The following SBF2 variants were observed in gnomAD, a reference collection of about 807,000 sequenced individuals.
SBF2 encodes myotubularin-related protein 13.
Under a neutral mutation model 225.2 loss-of-function variants are expected in SBF2, and 112 were observed. The ratio of observed to expected loss-of-function variants is 0.50; its 90% CI spans 0.43 to 0.58. The LOEUF (loss-of-function observed/expected upper bound fraction) is 0.58. Among genes scored for constraint, SBF2 ranks in the 20% least tolerant of loss-of-function variants. The probability of loss-of-function intolerance (pLI) is 0.00; values close to 1 mark genes in which losing one functional copy is unlikely to be tolerated. For missense variants in SBF2, 1,996 were observed against 2,206.2 expected, an observed-to-expected ratio of 0.90 and a Z score of 1.91; for synonymous variants, 763 against 773.3, an observed-to-expected ratio of 0.99 and a Z score of 0.22.
chr11:10,228,715 G>A (rs1199644106), intron 1 of SBF2, among the ~76,000 whole-genome samples: 5 of 152,052 alleles, frequency 3.3e-5, no homozygotes, highest in African/African-American at 4.8e-5. Flanking sequence ...TGCTGGATTC[G>A]GTTTGCCAGT....
intron 16 of SBF2, among the ~76,000 whole-genome samples, chr11:9,921,234 C>T (rs886196084): frequency 1.3e-5 from 2 of 152,052 alleles, no homozygotes; most frequent in Non-Finnish European, 2.9e-5. Flanking sequence ...CCATGCCCGG[C>T]TAATTTTGTA....
intron 14 of SBF2, among the ~76,000 whole-genome samples, chr11:9,967,297 G>A (rs867971616): frequency 3.0e-4 from 45 of 151,922 alleles, no homozygotes; most frequent in African/African-American, 9.2e-4. Flanking sequence ...GTGTGAGCCC[G>A]GGAGGCGGAG....
intron 36 of SBF2, among the ~76,000 whole-genome samples, chr11:9,786,738 C>T (rs1158620616): frequency 1.3e-5 from 2 of 152,258 alleles, no homozygotes; most frequent in Admixed American, 6.5e-5. Context: ...GGAGAGGGAA[C>T]GCCATTCCCT....
At chr11:9,824,465 G>C (rs535680041) in intron 28 of SBF2, among the ~76,000 whole-genome samples, 9 of 151,504 alleles carry the variant, frequency 5.9e-5, no homozygotes, top group African/African-American at 2.2e-4. Flanking sequence ...GCTGAGGCAG[G>C]AGAATTGCTT....
intron 4 of SBF2, 132 bp downstream of exon 4, chr11:10,030,916 G>A: frequency 3.9e-6 from 3 of 764,892 alleles, no homozygotes; most frequent in Admixed American, 2.5e-5. Context: ...TTCTGTTCAT[G>A]CTAACTGTAT....
intron 2 of SBF2, among the ~76,000 whole-genome samples, chr11:10,157,393 G>A (rs1349785480): frequency 6.6e-6 from 1 of 152,142 alleles, no homozygotes; most frequent in Admixed American, 6.6e-5. Flanking sequence ...AAAAGCAATT[G>A]CAACAAAAGC....
intron 1 of SBF2, among the ~76,000 whole-genome samples, chr11:10,280,284 A>G (rs1432784793): frequency 6.6e-6 from 1 of 152,200 alleles, no homozygotes; most frequent in African/African-American, 2.4e-5. Context: ...TAAGAGCTGG[A>G]CTGATATATT....
intron 2 of SBF2, among the ~76,000 whole-genome samples, chr11:10,086,878 G>A (rs1457381342): frequency 6.6e-6 from 1 of 152,104 alleles, no homozygotes; most frequent in Non-Finnish European, 1.5e-5. Context: ...GTGGACTGTG[G>A]TAAACACTAA....
At chr11:10,093,297 G>C (rs1487154177) in intron 2 of SBF2, among the ~76,000 whole-genome samples, 3 of 151,088 alleles carry the variant, frequency 2.0e-5, no homozygotes, top group Admixed American at 2.0e-4. Flanking sequence ...TTATAGGTTT[G>C]AGCCACTGTG....
At chr11:10,196,876 T>TTTTTTTTTTCC (rs71034756) in intron 1 of SBF2, among the ~76,000 whole-genome samples, 1 of 119,100 alleles carries the variant, frequency 8.4e-6, no homozygotes, top group African/African-American at 3.0e-5. Context: ...ATTTTTTTTT[T>TTTTTTTTTTCC]CCTACAAAAT....
intron 27 of SBF2, among the ~76,000 whole-genome samples, chr11:9,829,977 C>T (rs930854888): frequency 6.6e-6 from 1 of 152,228 alleles, no homozygotes; most frequent in African/African-American, 2.4e-5. Flanking sequence ...TATTTCAATT[C>T]TGCCACACAG....
At chr11:10,126,884 TACC>T (rs1185583205) in intron 2 of SBF2, among the ~76,000 whole-genome samples, 5 of 152,110 alleles carry the variant, frequency 3.3e-5, no homozygotes, top group African/African-American at 1.2e-4. Flanking sequence ...ATACTTGCTA[TACC>T]ATGGATGACC....
chr11:9,936,052 A>C (rs566159907), intron 16 of SBF2, among the ~76,000 whole-genome samples: 1 of 152,110 alleles, frequency 6.6e-6, no homozygotes, highest in African/African-American at 2.4e-5. Flanking sequence ...TTTGCAATCT[A>C]CCCATCTGAC....
chr11:10,278,309 A>G (rs939301733), intron 1 of SBF2, among the ~76,000 whole-genome samples: 1 of 152,242 alleles, frequency 6.6e-6, no homozygotes, highest in Non-Finnish European at 1.5e-5. Context: ...ATCAACTTAT[A>G]AAAGTTATAT....
chr11:10,210,160 T>G (rs150191614), intron 1 of SBF2, among the ~76,000 whole-genome samples: 1,552 of 151,956 alleles, frequency 0.01, 21 homozygotes, highest in Non-Finnish European at 0.017. Context: ...ACACAAAAAT[T>G]AGCTGAGTGT....
chr11:10,183,441 C>G (rs1231951211), intron 2 of SBF2, among the ~76,000 whole-genome samples: 2 of 152,278 alleles, frequency 1.3e-5, no homozygotes, highest in East Asian at 3.9e-4. Context: ...TCAGGAAATC[C>G]AGAGAAACTT....
chr11:9,790,457 A>G (rs1423873542), intron 34 of SBF2, 99 bp downstream of exon 34: 2 of 1,039,394 alleles, frequency 1.9e-6, no homozygotes, highest in Non-Finnish European at 2.9e-6. Context: ...ACCTAGTCCA[A>G]TGTTTATAAA....
chr11:9,872,956 T>A (rs933125008), intron 17 of SBF2, among the ~76,000 whole-genome samples: 2 of 152,014 alleles, frequency 1.3e-5, no homozygotes, highest in South Asian at 4.1e-4. Flanking sequence ...ATCTTTATAT[T>A]TCTGAAATGT....
At chr11:9,921,446 C>T (rs946907301) in intron 16 of SBF2, among the ~76,000 whole-genome samples, 3 of 152,154 alleles carry the variant, frequency 2.0e-5, no homozygotes, top group Admixed American at 6.6e-5. Context: ...GTGGCCACAG[C>T]GACCTGTGTT....
Sources: allele counts gnomAD v4.1 joint callset (sites outside exome capture counted in the v4.1 genomes callset), GRCh38; gene constraint gnomAD v4.1.1; transcripts MANE v1.5; gene names NCBI Gene and HGNC (gene_info 2026-07-23, HGNC 2026-07-21).